Variants in UBASH3A observed in about 807,000 individuals in gnomAD.
UBASH3A encodes the protein ubiquitin associated and SH3 domain containing A.
UBASH3A carries 63 observed loss-of-function variants against 73.5 expected under a neutral mutation model. The observed-to-expected ratio is 0.86, with a 90% CI of 0.70 to 1.06. The LOEUF is 1.06. UBASH3A is among the 50% of genes least tolerant of loss of function. The pLI is 0.00. For synonymous variants in UBASH3A, 363 were observed against 351.1 expected, an observed-to-expected ratio of 1.03 and a Z score of -0.38; for missense variants, 860 against 859.0, an observed-to-expected ratio of 1.00 and a Z score of -0.02.
chr21:42,418,538 G>A lies in UBASH3A; in HGVS notation c.975G>A (p.Thr325=), dbSNP rs1210198586. ...GGGTGATTGGGATCTCACAGCGGACGGGCTGCCGGGGCTTCCTGCCGGAAA... is the reference window on the plus strand; with the variant it reads ...GGGTGATTGGGATCTCACAGCGGACAGGCTGCCGGGGCTTCCTGCCGGAAA... ...EGWVIGISQR[T]GCRGFLPENY... Residue 325 remains threonine, a synonymous_variant, in exon 7 of 15, where the codon ACG becomes ACA. Coordinates refer to ENST00000319294, the MANE Select transcript of UBASH3A (RefSeq NM_018961.4). 3.1e-6 allele frequency: 5 copies of A among 1,614,058 alleles called. No individual in the cohort carries two copies. The highest frequency in any genetic ancestry group is 1.1e-5 in the South Asian group (1 of 91,092).
intron 5 of UBASH3A, 128 bp from the exon 6 acceptor site, chr21:42,416,314 T>C (rs1183892652): frequency 4.2e-6 from 4 of 962,972 alleles, no homozygotes; most frequent in Non-Finnish European, 5.8e-6. Context: ...ATGATGTGAG[T>C]TCTGAGCGGG....
At chr21:42,409,676 A>G (rs1034816824) in intron 3 of UBASH3A, 68 bp downstream of exon 3, 7 of 1,418,960 alleles carry the variant, frequency 4.9e-6, no homozygotes, top group South Asian at 1.3e-5. Context: ...TAACTAGGCC[A>G]TGATGGGACA....
intron 9 of UBASH3A, among the ~76,000 whole-genome samples, chr21:42,433,591 G>T (rs1038271170): frequency 6.6e-6 from 1 of 152,260 alleles, no homozygotes; most frequent in South Asian, 2.1e-4. Flanking sequence ...CATTTTAGAG[G>T]GGGATCACAG....
intron 3 of UBASH3A, among the ~76,000 whole-genome samples, chr21:42,412,626 C>T (rs1269884727): frequency 6.6e-6 from 1 of 152,160 alleles, no homozygotes; most frequent in Non-Finnish European, 1.5e-5. Flanking sequence ...CTGAGCAGTG[C>T]CTGGGCAGCC....
intron 10 of UBASH3A, 144 bp downstream of exon 10, chr21:42,435,098 C>A: frequency 9.2e-7 from 1 of 1,092,824 alleles, no homozygotes. Flanking sequence ...GGCTGGGGCA[C>A]AGAGAGGTTA....
intron 8 of UBASH3A, among the ~76,000 whole-genome samples, chr21:42,430,102 G>A (rs1342412317): frequency 6.6e-6 from 1 of 152,180 alleles, no homozygotes; most frequent in South Asian, 2.1e-4. Context: ...TTCAAGGCAG[G>A]TGAAATTGGC....
intron 2 of UBASH3A, among the ~76,000 whole-genome samples, chr21:42,408,158 C>T (rs28371062): frequency 0.49 from 74,842 of 152,126 alleles, 18,726 homozygotes; most frequent in African/African-American, 0.53. Context: ...AGAGGAGTGG[C>T]AACTTCTTCT....
intron 5 of UBASH3A, among the ~76,000 whole-genome samples, chr21:42,414,474 G>C (rs1037145076): frequency 3.3e-5 from 5 of 152,214 alleles, no homozygotes; most frequent in African/African-American, 1.2e-4. Context: ...GCCTGCCCAA[G>C]GTCCTGTGGT....
chr21:42,411,948 A>G (rs2053106922), intron 3 of UBASH3A, among the ~76,000 whole-genome samples: 2 of 152,194 alleles, frequency 1.3e-5, no homozygotes, highest in African/African-American at 4.8e-5. Context: ...CGGCCTGTCC[A>G]TGGGGAGACG....
chr21:42,419,712 G>T (rs561960381), intron 7 of UBASH3A, among the ~76,000 whole-genome samples: 9 of 152,292 alleles, frequency 5.9e-5, no homozygotes, highest in Middle Eastern at 3.4e-3. Context: ...AACTTACAAT[G>T]GTTTGGCTTA....
Position 42,438,381 on chromosome 21 carries a change from C to T in UBASH3A, c.1486+801C>T, listed in dbSNP as rs116989574. Among the ~76,000 whole-genome samples, 29 of 152,200 alleles carry T rather than the reference C, an allele frequency of 1.9e-4. 1 individual carries two copies. Among genetic ancestry groups the T allele is most frequent in the Admixed American group, 5.9e-4 (9 of 15,294 alleles). On this transcript the variant is annotated intron_variant, in intron 11 of 14. Transcript: ENST00000319294. The stretch of plus-strand genomic sequence containing the variant: ...CAGGGACTGTGGGAAGTTTGGGGTG[C>T]GCCGAAGGAATGAATGGCTGTCAGG...
chr21:42,446,969 G>T (rs2053853811), intron 14 of UBASH3A, 88 bp from the exon 15 acceptor site: 2 of 1,452,746 alleles, frequency 1.4e-6, no homozygotes, highest in Non-Finnish European at 9.4e-7. Flanking sequence ...CCAAAGTAGA[G>T]GTGTGCCTGA....
At chr21:42,417,419 C>CAAAAAAAAAAAAAAAAA (rs71190423) in intron 6 of UBASH3A, 1 of 74,312 alleles carries the variant, frequency 1.3e-5, no homozygotes, top group Non-Finnish European at 2.5e-5. Context: ...GCGAGACTGG[C>CAAAAAAAAAAAAAAAAA]AAAAAAAAAA....
intron 13 of UBASH3A, among the ~76,000 whole-genome samples, 178 bp downstream of exon 13, chr21:42,443,596 G>A (rs564559715): frequency 9.2e-5 from 14 of 151,398 alleles, no homozygotes; most frequent in Non-Finnish European, 2.1e-4. Context: ...GTAACCGGGT[G>A]CACAGACACA....
intron 7 of UBASH3A, among the ~76,000 whole-genome samples, chr21:42,426,119 C>T (rs1254279947): frequency 6.6e-6 from 1 of 152,082 alleles, no homozygotes; most frequent in Non-Finnish European, 1.5e-5. Context: ...AGCTCAAGTC[C>T]AAAGGTGGTC....
chr21:42,412,399 G>A (rs2053118268), intron 3 of UBASH3A, among the ~76,000 whole-genome samples: 1 of 152,196 alleles, frequency 6.6e-6, no homozygotes. Flanking sequence ...TGCAGGCTCA[G>A]GTCCTCCAGG....
chr21:42,405,990 G>A (rs996720719), intron 1 of UBASH3A, among the ~76,000 whole-genome samples: 2 of 150,938 alleles, frequency 1.3e-5, no homozygotes, highest in African/African-American at 2.4e-5. Flanking sequence ...CAGTGGGGGG[G>A]GGGGGGGCAG....
intron 14 of UBASH3A, 57 bp downstream of exon 14, chr21:42,444,700 G>C (rs1216654258): frequency 1.5e-6 from 2 of 1,332,634 alleles, no homozygotes; most frequent in Non-Finnish European, 2.2e-6. Flanking sequence ...GAAGACACAG[G>C]TTTATCTCAT....
At chr21:42,424,157 C>T (rs769847347) in intron 7 of UBASH3A, among the ~76,000 whole-genome samples, 6 of 151,960 alleles carry the variant, frequency 3.9e-5, no homozygotes, top group South Asian at 2.1e-4. Context: ...TTACTTCCTA[C>T]GAGCCCTGGT....
Sources: allele counts gnomAD v4.1 joint callset (sites outside exome capture counted in the v4.1 genomes callset), GRCh38; gene constraint gnomAD v4.1.1; transcripts MANE v1.5; gene names NCBI Gene and HGNC (gene_info 2026-07-23, HGNC 2026-07-21).